The following GAS6 variants were observed in gnomAD, a reference collection of about 807,000 sequenced individuals.
GAS6 encodes growth arrest specific 6, also known as growth arrest-specific protein 6.
A neutral mutation model predicts 75.8 loss-of-function variants in GAS6; 41 were observed. The ratio of observed to expected loss-of-function variants is 0.54; its 90% CI spans 0.42 to 0.70. GAS6 has a LOEUF of 0.70. Ranked by LOEUF, GAS6 falls within the 30% of genes least tolerant of loss-of-function variation. The pLI is 0.00. For missense variants in GAS6, 854 were observed against 940.2 expected, an observed-to-expected ratio of 0.91 and a Z score of 1.20; for synonymous variants, 432 against 412.6, an observed-to-expected ratio of 1.05 and a Z score of -0.57.
At chr13:113,823,267 G>T (rs764098672) in intron 13 of GAS6, 108 bp downstream of exon 13, 2 of 1,248,320 alleles carry the variant, frequency 1.6e-6, no homozygotes, top group African/African-American at 1.5e-5. Flanking sequence ...AGGCTTTGGG[G>T]GTCCCTGGGG....
At chr13:113,856,444 T>G (rs1386339313) in intron 2 of GAS6, among the ~76,000 whole-genome samples, 1 of 152,100 alleles carries the variant, frequency 6.6e-6, no homozygotes, top group Non-Finnish European at 1.5e-5. Context: ...TGTTACACAG[T>G]TGTCATGAGG....
intron 8 of GAS6, chr13:113,833,661 CA>C (rs2051658627): frequency 1.0e-6 from 1 of 998,770 alleles, no homozygotes; most frequent in Non-Finnish European, 1.2e-6. Context: ...ACCAGTGTGA[CA>C]GGTCGGTGTG....
intron 12 of GAS6, 79 bp from the exon 13 acceptor site, chr13:113,823,629 A>G: frequency 2.2e-6 from 3 of 1,387,830 alleles, no homozygotes; most frequent in Non-Finnish European, 2.0e-6. Flanking sequence ...GCCTCGAGAG[A>G]TGCAGTCCCA....
At position 113,846,634 on chromosome 13, in the gene GAS6, G is replaced by A. The variant is rs199687362; in HGVS notation, c.281-45C>T. On this transcript the variant is annotated intron_variant, in intron 3 of 14. Coordinates refer to ENST00000327773, the MANE Select transcript of GAS6 (RefSeq NM_000820.4). ...GGATGTCAGTCATCCTTACAAGACC[G>A]GATGGACTGCAGAGCCTCTGCTTCT... 58 of 1,524,064 alleles carry A rather than the reference G, an allele frequency of 3.8e-5. No individual in the cohort carries two copies. The African/African-American group carries it at 5.6e-4, about 15-fold the overall frequency. The allele number at this position is 1,524,064 out of a possible 1,614,324, so 94.4% of individuals were successfully genotyped here. A position where few individuals can be genotyped will look rare whatever the true frequency, so the allele number is the denominator to read the frequency against.
chr13:113,856,997 C>T (rs1229364321), intron 2 of GAS6, among the ~76,000 whole-genome samples: 7 of 152,308 alleles, frequency 4.6e-5, no homozygotes, highest in African/African-American at 4.8e-5. Flanking sequence ...CTGCAGTGAC[C>T]GGCCCAGGCT....
chr13:113,859,138 ATG>A (rs2051946809), intron 2 of GAS6, among the ~76,000 whole-genome samples: 1 of 149,808 alleles, frequency 6.7e-6, no homozygotes, highest in African/African-American at 2.5e-5. Context: ...ACATATGTCT[ATG>A]TGAATGTGTG....
intron 8 of GAS6, chr13:113,833,450 G>A (rs1264920391): frequency 1.0e-6 from 1 of 990,312 alleles, no homozygotes; most frequent in Non-Finnish European, 1.2e-6. Context: ...TCCACCTGTG[G>A]TTTTGCTTTT....
chr13:113,853,339 C>T (rs556791180), intron 2 of GAS6, among the ~76,000 whole-genome samples: 9 of 152,318 alleles, frequency 5.9e-5, no homozygotes, highest in African/African-American at 1.9e-4. Flanking sequence ...ATTAAGGGCA[C>T]GGCCCGACCT....
chr13:113,851,130 AATGAATGGAG>A, intron 2 of GAS6, among the ~76,000 whole-genome samples: 1 of 152,028 alleles, frequency 6.6e-6, no homozygotes, highest in South Asian at 2.1e-4. Context: ...TGGATGAGTA[AATGAATGGAG>A]ATGGATGGAT....
chr13:113,826,651 TGGCGCCGGCCTCGCA>T (rs2051550673), intron 12 of GAS6, among the ~76,000 whole-genome samples: 1 of 19,894 alleles, frequency 5.0e-5, no homozygotes. Context: ...CCCGGCCTCC[TGGCGCCGGCCTCGCA>T]GGCACCTTCT....
In GAS6 at chr13:113,834,488, GC is replaced by G. The variant is rs982398117; in HGVS notation, c.834+62del. The G allele has an allele frequency of 1.2e-5, 17 of 1,414,522 alleles. No individual in the cohort carries two copies. In the Admixed American group the frequency reaches 3.9e-4, roughly 33 times the overall value. 87.6% of individuals were successfully genotyped at this position (1,414,522 alleles called of 1,614,324 possible). On this transcript the variant is annotated intron_variant, in intron 8 of 14. Coordinates refer to ENST00000327773, the MANE Select transcript of GAS6 (RefSeq NM_000820.4). ...CTTCACGGAAGTGTTTCTCCCGAAAGCCCCCACCGGCGAGGGCCCCCGGAAC... is the reference window on the plus strand; with the variant it reads ...CTTCACGGAAGTGTTTCTCCCGAAAGCCCCACCGGCGAGGGCCCCCGGAAC...
chr13:113,858,368 CAT>C (rs1160409472), intron 2 of GAS6, among the ~76,000 whole-genome samples: 16 of 152,052 alleles, frequency 1.1e-4, no homozygotes, highest in African/African-American at 3.1e-4. Context: ...TGAATGTGTG[CAT>C]GTGTGTGCAT....
chr13:113,821,709 C>A, intron 14 of GAS6: 1 of 507,886 alleles, frequency 2.0e-6, no homozygotes, highest in Non-Finnish European at 3.5e-6. Context: ...GATGCAGGTT[C>A]GTGGGGCCTG....
At chr13:113,862,255 G>T (rs892239008) in intron 2 of GAS6, among the ~76,000 whole-genome samples, 4 of 152,194 alleles carry the variant, frequency 2.6e-5, no homozygotes, top group African/African-American at 7.2e-5. Context: ...CGCGGAGCGG[G>T]TACTGTGGGG....
rs189010971 is a variant in GAS6 at position 113,839,405 on chromosome 13, G to A, written c.466+323C>T. The A allele has an allele frequency of 2.2e-3, 476 of 214,206 alleles. 5 individuals carry two copies. Among genetic ancestry groups the A allele is most frequent in the Admixed American group, 6.2e-3 (95 of 15,230 alleles). The allele number at this position is 214,206 out of a possible 1,614,324, so 13.3% of individuals were successfully genotyped here. ...CGGTCAGAGGTGAAATTTCCCCCCC[G>A]CCTTTCAATCAGTGGGTGCCACTGA... On this transcript the variant is annotated intron_variant, in intron 5 of 14. Coordinates refer to ENST00000327773, the MANE Select transcript of GAS6 (RefSeq NM_000820.4).
intron 10 of GAS6, among the ~76,000 whole-genome samples, chr13:113,831,266 CA>C (rs947660470): frequency 1.3e-5 from 2 of 152,198 alleles, no homozygotes; most frequent in African/African-American, 4.8e-5. Context: ...TGGCAAGGGG[CA>C]GCTCCCGTGA....
intron 12 of GAS6, among the ~76,000 whole-genome samples, chr13:113,824,088 C>T (rs2051499079): frequency 6.7e-6 from 1 of 149,164 alleles, no homozygotes; most frequent in Non-Finnish European, 1.5e-5. Flanking sequence ...TCTGAGCTGT[C>T]AGGAGCACCC....
At position 113,855,678 on chromosome 13, in the gene GAS6, C is replaced by A. The variant is rs116409521; in HGVS notation, c.256-7628G>T. Among the ~76,000 whole-genome samples, 786 of 152,276 alleles carry A rather than the reference C, an allele frequency of 5.2e-3. 7 individuals are homozygous for A. The highest frequency in any genetic ancestry group is 0.018 in the African/African-American group (755 of 41,558). On this transcript the variant is annotated intron_variant, in intron 2 of 14. Transcript: ENST00000327773. ...GCCGGGAGTCACGCCCCGGCCTCTC[C>A]CACTGGGCTCCCAGCCTGAGCTCTG...
At chr13:113,821,334 CTCA>C (rs2051455127) in intron 14 of GAS6, 1 of 388,820 alleles carries the variant, frequency 2.6e-6, no homozygotes, top group Non-Finnish European at 4.7e-6. Flanking sequence ...CTGGCTCGCT[CTCA>C]TCCTCTTCAA....
Sources: allele counts gnomAD v4.1 joint callset (sites outside exome capture counted in the v4.1 genomes callset), GRCh38; gene constraint gnomAD v4.1.1; transcripts MANE v1.5; gene names NCBI Gene and HGNC (gene_info 2026-07-23, HGNC 2026-07-21).